PRR16: variants seen among roughly 807,000 people sequenced by gnomAD.
PRR16 encodes the protein proline rich 16.
PRR16 carries 6 observed loss-of-function variants against 18.2 expected under a neutral mutation model. That is an observed-to-expected ratio of 0.33 (90% CI 0.18 to 0.65). The LOEUF (loss-of-function observed/expected upper bound fraction) is 0.65. Ranked by LOEUF, PRR16 falls within the 30% of genes least tolerant of loss-of-function variation. The pLI is 0.74. For synonymous variants in PRR16, 151 were observed against 147.8 expected, an observed-to-expected ratio of 1.02 and a Z score of -0.16; for missense variants, 412 against 376.6, an observed-to-expected ratio of 1.09 and a Z score of -0.78.
intron 1 of PRR16, among the ~76,000 whole-genome samples, chr5:120,558,414 G>T (rs527457821): frequency 6.6e-6 from 1 of 151,760 alleles, no homozygotes; most frequent in African/African-American, 2.4e-5. Flanking sequence ...GTTTTTCTAT[G>T]CCTGGCTTAT....
intron 1 of PRR16, among the ~76,000 whole-genome samples, chr5:120,685,297 GTC>G (rs1757085596): frequency 6.6e-6 from 1 of 152,178 alleles, no homozygotes; most frequent in African/African-American, 2.4e-5. Flanking sequence ...ATGATACTGT[GTC>G]TGAGACTCCC....
At chr5:120,619,461 G>T (rs1369565907) in intron 1 of PRR16, among the ~76,000 whole-genome samples, 1 of 152,112 alleles carries the variant, frequency 6.6e-6, no homozygotes, top group Non-Finnish European at 1.5e-5. Context: ...TGGCAAAAGA[G>T]AGAATCAACC....
intron 1 of PRR16, among the ~76,000 whole-genome samples, chr5:120,677,713 T>G (rs2150151524): frequency 6.6e-6 from 1 of 152,232 alleles, no homozygotes; most frequent in East Asian, 1.9e-4. Flanking sequence ...GAGCTAAAGA[T>G]TCACTCAAAT....
At chr5:120,749,127 T>G in the PRR16 span, among the ~76,000 whole-genome samples, 3 of 152,090 alleles carry the variant, frequency 2.0e-5, no homozygotes, top group Non-Finnish European at 2.9e-5. Context: ...ATAATGCATA[T>G]ATCTATAAAT....
intron 1 of PRR16, among the ~76,000 whole-genome samples, chr5:120,595,022 A>C (rs991562409): frequency 6.6e-6 from 1 of 151,806 alleles, no homozygotes; most frequent in Non-Finnish European, 1.5e-5. Context: ...TAACCTAGGA[A>C]ATATAATTCT....
chr5:120,639,833 C>G (rs1375729423), intron 1 of PRR16, among the ~76,000 whole-genome samples: 1 of 151,668 alleles, frequency 6.6e-6, no homozygotes, highest in Non-Finnish European at 1.5e-5. Context: ...AAAAGACACA[C>G]ACACTTGCAT....
At chr5:120,672,525 A>G (rs551768752) in intron 1 of PRR16, among the ~76,000 whole-genome samples, 2 of 108,234 alleles carry the variant, frequency 1.8e-5, no homozygotes, top group Non-Finnish European at 1.9e-5. Flanking sequence ...TTAATAATTT[A>G]TGTTATAGAT....
Position 120,495,340 on chromosome 5 carries a change from A to G in PRR16, c.159+30695A>G, listed in dbSNP as rs149988783. On this transcript the variant is annotated intron_variant, in intron 1 of 1. Coordinates refer to ENST00000407149, the MANE Select transcript of PRR16 (RefSeq NM_001300783.2). The stretch of plus-strand genomic sequence containing the variant: ...ATTGTAAATACATTAGTCTCTTGGT[A>G]TCCATGGAGCATTGGTTCCACATCC... 8.7e-3 allele frequency among the ~76,000 whole-genome samples: 1,330 copies of G among 152,166 alleles called. 8 individuals carry two copies. Among genetic ancestry groups the G allele is most frequent in the Non-Finnish European group, 0.011 (729 of 67,922 alleles).
the PRR16 span, among the ~76,000 whole-genome samples, chr5:120,712,464 C>T: frequency 2.0e-5 from 3 of 151,826 alleles, no homozygotes; most frequent in African/African-American, 7.3e-5. Flanking sequence ...TTAGATTCCA[C>T]ATATGAGTAA....
chr5:120,639,347 A>G lies in PRR16; in HGVS notation c.160-46607A>G, dbSNP rs116085287. On this transcript the variant is annotated intron_variant, in intron 1 of 1. Coordinates refer to ENST00000407149, the MANE Select transcript of PRR16 (RefSeq NM_001300783.2). ...AATGTTCTAACTGAATAGGAAGAAC[A>G]TTTTGTTTTCTTTCATGATATATTC... Among the ~76,000 whole-genome samples, 664 of 152,240 alleles carry G rather than the reference A, an allele frequency of 4.4e-3. 4 individuals carry two copies. The highest frequency in any genetic ancestry group is 0.015 in the African/African-American group (638 of 41,576).
At chr5:120,747,072 G>A in the PRR16 span, among the ~76,000 whole-genome samples, 1 of 152,168 alleles carries the variant, frequency 6.6e-6, no homozygotes, top group Non-Finnish European at 1.5e-5. Context: ...GTTATTCGCT[G>A]TTGAAGAGAA....
At chr5:120,786,424 AT>A in the PRR16 span, among the ~76,000 whole-genome samples, 2 of 151,204 alleles carry the variant, frequency 1.3e-5, no homozygotes, top group Non-Finnish European at 3.0e-5. Flanking sequence ...AATAAGACAG[AT>A]TTTTTTTAAC....
chr5:120,609,077 GA>G (rs1389262158), intron 1 of PRR16, among the ~76,000 whole-genome samples: 1 of 151,372 alleles, frequency 6.6e-6, no homozygotes, highest in Non-Finnish European at 1.5e-5. Context: ...TTCATAAGAA[GA>G]GATGTTCTTT....
intron 1 of PRR16, among the ~76,000 whole-genome samples, chr5:120,577,792 C>G (rs1202893626): frequency 1.3e-5 from 2 of 152,126 alleles, no homozygotes; most frequent in African/African-American, 2.4e-5. Context: ...TAAAAGCTTT[C>G]TTTCGATTAT....
the PRR16 span, among the ~76,000 whole-genome samples, chr5:120,762,727 A>T: frequency 2.3e-3 from 343 of 147,986 alleles, no homozygotes; most frequent in South Asian, 4.0e-3. Context: ...CTCCCACTCA[A>T]CAGGTTGTCT....
At chr5:120,751,652 T>C in the PRR16 span, among the ~76,000 whole-genome samples, 1 of 152,184 alleles carries the variant, frequency 6.6e-6, no homozygotes, top group Non-Finnish European at 1.5e-5. Context: ...AAAATATTTT[T>C]ATTTGAATTA....
chr5:120,684,574 A>G (rs1175400543), intron 1 of PRR16, among the ~76,000 whole-genome samples: 1 of 152,190 alleles, frequency 6.6e-6, no homozygotes, highest in East Asian at 1.9e-4. Context: ...TAACTTTTCC[A>G]TTCTCATATG....
At chr5:120,785,550 T>C in the PRR16 span, among the ~76,000 whole-genome samples, 1 of 150,864 alleles carries the variant, frequency 6.6e-6, no homozygotes, top group African/African-American at 2.4e-5. Context: ...TCTCTGTGTA[T>C]GTGTGTGTGT....
At position 120,535,721 on chromosome 5, in the gene PRR16, G is replaced by T. The variant is rs545693050; in HGVS notation, c.159+71076G>T. On this transcript the variant is annotated intron_variant, in intron 1 of 1. Transcript: ENST00000407149. Reference sequence around the variant, plus strand: ...AGGCTGAAGCATGGGAATTGCTTGAGTCTGGGAGGCGGAGGTTGCAGTGAG... The same window carrying T: ...AGGCTGAAGCATGGGAATTGCTTGATTCTGGGAGGCGGAGGTTGCAGTGAG... Among the ~76,000 whole-genome samples, 18 of 152,202 alleles carry T rather than the reference G, an allele frequency of 1.2e-4. No individual in the cohort carries two copies. In the East Asian group the frequency reaches 2.5e-3, roughly 21 times the overall value.
Sources: allele counts gnomAD v4.1 joint callset (sites outside exome capture counted in the v4.1 genomes callset), GRCh38; gene constraint gnomAD v4.1.1; transcripts MANE v1.5; gene names NCBI Gene and HGNC (gene_info 2026-07-23, HGNC 2026-07-21).